CSMD3: variants seen among roughly 807,000 people sequenced by gnomAD.
CSMD3 encodes the protein CUB and sushi domain-containing protein 3.
Under a neutral mutation model 435.2 loss-of-function variants are expected in CSMD3, and 177 were observed. That is an observed-to-expected ratio of 0.41 (90% CI 0.36 to 0.46). CSMD3 has a LOEUF of 0.46. Among genes scored for constraint, CSMD3 ranks in the 20% least tolerant of loss-of-function variants. The pLI is 0.34. For synonymous variants in CSMD3, 1,656 were observed against 1,520.5 expected (o/e 1.09, Z -2.07); for missense variants, 4,265 against 4,504.6 (o/e 0.95, Z 1.52).
chr8:113,077,708 C>T lies in CSMD3; in HGVS notation c.917+21048G>A, dbSNP rs2089402189. On this transcript the variant is annotated intron_variant, in intron 5 of 70. Coordinates refer to ENST00000297405, the MANE Select transcript of CSMD3 (RefSeq NM_198123.2). Reference sequence around the variant, plus strand: ...ACAGAGCAAGACTCTTGTCTCAAAACAAAAACAAAAACAAAACTCTAAGAT... The same window carrying T: ...ACAGAGCAAGACTCTTGTCTCAAAATAAAAACAAAAACAAAACTCTAAGAT... 2.0e-5 allele frequency among the ~76,000 whole-genome samples: 3 copies of T among 151,746 alleles called. No individual in the cohort carries two copies. The South Asian group carries it at 6.2e-4, about 32-fold the overall frequency.
chr8:112,692,229 T>G (rs1025277465), intron 13 of CSMD3, among the ~76,000 whole-genome samples: 3 of 152,092 alleles, frequency 2.0e-5, no homozygotes, highest in Admixed American at 6.6e-5. Context: ...TCTTAGAACT[T>G]TTTTAGTATA....
At chr8:113,214,359 G>C (rs550273066) in intron 3 of CSMD3, among the ~76,000 whole-genome samples, 2 of 151,924 alleles carry the variant, frequency 1.3e-5, no homozygotes, top group African/African-American at 4.8e-5. Context: ...TAGGTTATTG[G>C]GTTCATTCAT....
chr8:112,582,408 T>TA lies in CSMD3; in HGVS notation c.3885+4657dup, dbSNP rs377342339. Among the ~76,000 whole-genome samples the TA allele has an allele frequency of 2.1e-3, 303 of 146,550 alleles. 2 individuals carry two copies. The highest frequency in any genetic ancestry group is 6.9e-3 in the Middle Eastern group (2 of 290). The stretch of plus-strand genomic sequence containing the variant: ...CTTCAGGTATTTCTTTATAGCAATG[T>TA]AAAAAAAAAAGAGGGAGGCCTAATA... On this transcript the variant is annotated intron_variant, in intron 23 of 70. Transcript: ENST00000297405.
chr8:113,335,455 A>T (rs1031592439), intron 1 of CSMD3, among the ~76,000 whole-genome samples: 1 of 119,170 alleles, frequency 8.4e-6, no homozygotes. Context: ...TATTTTCTCT[A>T]TTTTGTTGTT....
chr8:113,357,311 A>C (rs1052227197), intron 1 of CSMD3, among the ~76,000 whole-genome samples: 1 of 152,204 alleles, frequency 6.6e-6, no homozygotes, highest in Non-Finnish European at 1.5e-5. Context: ...ACTAAAGCTT[A>C]GAAAATGAAG....
At chr8:112,485,910 A>C (rs1214344353) in intron 31 of CSMD3, among the ~76,000 whole-genome samples, 2 of 151,282 alleles carry the variant, frequency 1.3e-5, no homozygotes, top group Non-Finnish European at 2.9e-5. Flanking sequence ...GACAGACCTT[A>C]GAGGTCATCA....
At chr8:113,237,901 C>T (rs2093167887) in intron 3 of CSMD3, among the ~76,000 whole-genome samples, 1 of 151,878 alleles carries the variant, frequency 6.6e-6, no homozygotes, top group South Asian at 2.1e-4. Context: ...ATGGTGAAGC[C>T]CCGCCTCTAC....
At chr8:112,716,594 C>T (rs1221086430) in intron 13 of CSMD3, among the ~76,000 whole-genome samples, 1 of 152,066 alleles carries the variant, frequency 6.6e-6, no homozygotes, top group Non-Finnish European at 1.5e-5. Context: ...TCATGTGGAA[C>T]CAATGAAGAG....
At chr8:112,292,266 G>C (rs1384682575) in intron 55 of CSMD3, among the ~76,000 whole-genome samples, 1 of 151,982 alleles carries the variant, frequency 6.6e-6, no homozygotes, top group Non-Finnish European at 1.5e-5. Context: ...AAATAAGAGA[G>C]TTAGAAATTA....
intron 5 of CSMD3, among the ~76,000 whole-genome samples, chr8:113,091,768 A>G (rs894814328): frequency 2.0e-5 from 3 of 148,254 alleles, no homozygotes; most frequent in Admixed American, 6.7e-5. Context: ...TGTTCTCTTT[A>G]TTTCTATTTC....
chr8:113,170,575 C>T lies in CSMD3; in HGVS notation c.709+3147G>A, dbSNP rs375728487. Among the ~76,000 whole-genome samples the T allele has an allele frequency of 1.5e-4, 23 of 152,184 alleles. 1 individual carries two copies. In the South Asian group the frequency reaches 4.1e-3, roughly 27 times the overall value. On this transcript the variant is annotated intron_variant, in intron 4 of 70. Transcript: ENST00000297405. ...TTGCACTCAATGGGCGATATTAATACCTTCCTTATCAAGATTCCTAGCTTA... is the reference window on the plus strand; with the variant it reads ...TTGCACTCAATGGGCGATATTAATATCTTCCTTATCAAGATTCCTAGCTTA...
intron 13 of CSMD3, among the ~76,000 whole-genome samples, chr8:112,716,013 AC>A (rs1273581891): frequency 1.3e-5 from 2 of 152,208 alleles, no homozygotes; most frequent in Non-Finnish European, 2.9e-5. Context: ...GAAAACTGGC[AC>A]AAAACAAAGA....
chr8:113,331,367 A>C (rs555195236), intron 1 of CSMD3, among the ~76,000 whole-genome samples: 1 of 151,860 alleles, frequency 6.6e-6, no homozygotes, highest in South Asian at 2.1e-4. Flanking sequence ...ACACATAAAA[A>C]ATTAATACCA....
intron 13 of CSMD3, among the ~76,000 whole-genome samples, chr8:112,725,697 C>A (rs2076949612): frequency 1.3e-5 from 2 of 151,760 alleles, no homozygotes; most frequent in South Asian, 2.1e-4. Context: ...AACTTGTTAC[C>A]TAATTTGGAA....
At chr8:112,262,000 T>C (rs1218501845) in intron 61 of CSMD3, among the ~76,000 whole-genome samples, 4 of 152,118 alleles carry the variant, frequency 2.6e-5, no homozygotes, top group African/African-American at 9.6e-5. Context: ...TCTCTGATAA[T>C]GAGAAATTTT....
intron 1 of CSMD3, among the ~76,000 whole-genome samples, chr8:113,364,496 C>G (rs1216023073): frequency 6.6e-6 from 1 of 151,940 alleles, no homozygotes; most frequent in Non-Finnish European, 1.5e-5. Flanking sequence ...TCAACAAGTT[C>G]TAGTTTTTTG....
chr8:112,474,497 T>C (rs1303708258), intron 31 of CSMD3, among the ~76,000 whole-genome samples: 1 of 152,144 alleles, frequency 6.6e-6, no homozygotes, highest in African/African-American at 2.4e-5. Context: ...AAAATCAGCA[T>C]TGACCTAGAA....
At chr8:112,918,833 C>A (rs2082646973) in intron 10 of CSMD3, among the ~76,000 whole-genome samples, 1 of 151,886 alleles carries the variant, frequency 6.6e-6, no homozygotes, top group Admixed American at 6.6e-5. Context: ...ATGCAATACA[C>A]AGACAGAAGC....
intron 3 of CSMD3, among the ~76,000 whole-genome samples, chr8:113,267,207 A>C (rs2132393483): frequency 6.6e-6 from 1 of 151,798 alleles, no homozygotes; most frequent in Admixed American, 6.6e-5. Flanking sequence ...TTAAAAAACT[A>C]AAAATAGAAT....
Sources: allele counts gnomAD v4.1 joint callset (sites outside exome capture counted in the v4.1 genomes callset), GRCh38; gene constraint gnomAD v4.1.1; transcripts MANE v1.5; gene names NCBI Gene and HGNC (gene_info 2026-07-23, HGNC 2026-07-21).